Variants in NOS2 observed in about 807,000 individuals in gnomAD.
The protein encoded by NOS2 is nitric oxide synthase 2.
Under a neutral mutation model 136.0 loss-of-function variants are expected in NOS2, and 96 were observed. The observed-to-expected ratio is 0.71, with a 90% CI of 0.60 to 0.84. The LOEUF is 0.84. Among genes scored for constraint, NOS2 ranks in the 40% least tolerant of loss-of-function variants. The pLI is 0.00. For missense variants in NOS2, 1,237 were observed against 1,496.9 expected (o/e 0.83, Z 2.87); for synonymous variants, 539 against 587.5 (o/e 0.92, Z 1.20).
At chr17:27,793,782 G>A (rs533340802) in intron 2 of NOS2, 3 of 381,514 alleles carry the variant, frequency 7.9e-6, no homozygotes, top group African/African-American at 2.1e-5. Context: ...CCCCCGCCCC[G>A]GGGGCGGGGC....
At chr17:27,757,525 G>C (rs1171447786) in intron 26 of NOS2, among the ~76,000 whole-genome samples, 172 bp from the exon 27 acceptor site, 1 of 152,134 alleles carries the variant, frequency 6.6e-6, no homozygotes, top group Non-Finnish European at 1.5e-5. Flanking sequence ...CACCTGCTCT[G>C]GTGCGGGCCC....
intron 2 of NOS2, among the ~76,000 whole-genome samples, chr17:27,792,233 T>A (rs1909215285): frequency 6.6e-6 from 1 of 152,218 alleles, no homozygotes; most frequent in African/African-American, 2.4e-5. Flanking sequence ...CTCATATAAA[T>A]AATGCCTTAA....
intron 25 of NOS2, 95 bp downstream of exon 25, chr17:27,759,935 G>C: frequency 7.8e-7 from 1 of 1,276,270 alleles, no homozygotes; most frequent in Non-Finnish European, 1.1e-6. Context: ...AGCTCAGGAG[G>C]TGAAGGCTCG....
At chr17:27,793,041 G>C (rs1377362874) in intron 2 of NOS2, among the ~76,000 whole-genome samples, 1 of 151,920 alleles carries the variant, frequency 6.6e-6, no homozygotes, top group Non-Finnish European at 1.5e-5. Context: ...CTTAGACCCA[G>C]AACTTTCTAC....
intron 2 of NOS2, among the ~76,000 whole-genome samples, chr17:27,791,030 C>T (rs947932405): frequency 5.9e-5 from 9 of 151,958 alleles, no homozygotes; most frequent in South Asian, 2.1e-4. Flanking sequence ...TGTTGAAATG[C>T]GATAAATGAC....
At chr17:27,765,461 C>T (rs1908266253) in intron 20 of NOS2, 74 bp downstream of exon 20, 1 of 1,404,682 alleles carries the variant, frequency 7.1e-7, no homozygotes, top group Non-Finnish European at 9.6e-7. Flanking sequence ...CCGGCAGGCC[C>T]AGGCTCAGCC....
intron 20 of NOS2, among the ~76,000 whole-genome samples, chr17:27,765,105 A>G (rs1452940816): frequency 6.6e-6 from 1 of 152,124 alleles, no homozygotes; most frequent in Non-Finnish European, 1.5e-5. Context: ...CAGCCTCCCG[A>G]GTGGCTGGGA....
At chr17:27,772,568 A>C in intron 13 of NOS2, 116 bp from the exon 14 acceptor site, 2 of 1,213,598 alleles carry the variant, frequency 1.6e-6, no homozygotes, top group Non-Finnish European at 2.3e-6. Context: ...TTGAGGGAAA[A>C]GCAAGCTACG....
chr17:27,772,016 T>G (rs1469612665), intron 14 of NOS2, among the ~76,000 whole-genome samples: 1 of 152,202 alleles, frequency 6.6e-6, no homozygotes, highest in East Asian at 1.9e-4. Flanking sequence ...GCAGAGCAGG[T>G]GTTCAGTGAG....
intron 2 of NOS2, among the ~76,000 whole-genome samples, chr17:27,790,364 G>T (rs1201040003): frequency 1.3e-5 from 2 of 152,142 alleles, no homozygotes; most frequent in Non-Finnish European, 2.9e-5. Flanking sequence ...AAAGTGCTGG[G>T]ATTACAGGCA....
intron 3 of NOS2, 48 bp downstream of exon 3, chr17:27,789,556 C>T: frequency 7.0e-7 from 1 of 1,423,402 alleles, no homozygotes; most frequent in Non-Finnish European, 9.9e-7. Context: ...TCTGCATCTG[C>T]CTGGACCAGG....
chr17:27,774,171 A>G (rs1360603516), intron 12 of NOS2, 86 bp downstream of exon 12: 28 of 1,030,704 alleles, frequency 2.7e-5, no homozygotes, highest in Non-Finnish European at 3.5e-5. Flanking sequence ...CGTGCCCTAC[A>G]TGTGTAACAA....
intron 7 of NOS2, among the ~76,000 whole-genome samples, chr17:27,781,499 C>A (rs945106480): frequency 2.0e-5 from 3 of 152,218 alleles, no homozygotes; most frequent in African/African-American, 4.8e-5. Flanking sequence ...GCTGGAGCAG[C>A]ATCTTAGGGT....
chr17:27,786,851 G>C (rs989246035), intron 5 of NOS2, among the ~76,000 whole-genome samples: 1 of 152,098 alleles, frequency 6.6e-6, no homozygotes, highest in Non-Finnish European at 1.5e-5. Context: ...ACCTCTCTTT[G>C]GATGATTAAA....
intron 2 of NOS2, among the ~76,000 whole-genome samples, chr17:27,790,926 AT>A (rs1909165050): frequency 2.0e-5 from 3 of 152,104 alleles, no homozygotes; most frequent in Admixed American, 2.0e-4. Flanking sequence ...TCTTGGCAGT[AT>A]TTTCCAGGGT....
At chr17:27,767,930 C>CA in intron 17 of NOS2, 93 bp from the exon 18 acceptor site, 1 of 1,513,076 alleles carries the variant, frequency 6.6e-7, no homozygotes, top group Non-Finnish European at 9.0e-7. Flanking sequence ...TACCATGGGC[C>CA]AAACACTGAG....
intron 2 of NOS2, among the ~76,000 whole-genome samples, chr17:27,794,969 G>A (rs9890954): frequency 4.6e-5 from 7 of 151,928 alleles, no homozygotes; most frequent in African/African-American, 1.7e-4. Flanking sequence ...ACTCTGGGTG[G>A]ACCCACCTCC....
At position 27,760,162 on chromosome 17, in the gene NOS2, G is replaced by A. The variant is rs752107921; in HGVS notation, c.3027C>T (p.Arg1009=). 2.5e-6 allele frequency: 4 copies of A among 1,584,132 alleles called. No individual in the cohort carries two copies. In the East Asian group the frequency reaches 9.1e-5, roughly 36 times the overall value. ...GGCGGCACCCAAACACCAAGGTCAT[G>A]CGGCCTCCCCGCACTCCTGCAGGAG... ...DSQHKGVRGG[R]MTLVFGCRRP... is the part of the protein sequence containing the mutation. The change falls in exon 25 of 27, where the codon CGC becomes CGT. Residue 1009 remains arginine, a synonymous_variant. Transcript: ENST00000313735.
intron 2 of NOS2, chr17:27,793,925 G>C (rs1274349145): frequency 2.7e-6 from 1 of 364,114 alleles, no homozygotes; most frequent in Non-Finnish European, 4.9e-6. Flanking sequence ...CGCGGAGTTT[G>C]GATGGCACTG....
Sources: gnomAD v4.1 joint callset for allele counts (sites outside exome capture counted in the v4.1 genomes callset) on GRCh38, gnomAD v4.1.1 for gene constraint, MANE v1.5 for transcripts, NCBI Gene and HGNC (gene_info 2026-07-23, HGNC 2026-07-21) for gene names.